Variants in DLC1 observed in about 807,000 individuals in gnomAD.
The protein encoded by DLC1 is DLC1 Rho GTPase activating protein.
Under a neutral mutation model 140.3 loss-of-function variants are expected in DLC1, and 54 were observed. That is an observed-to-expected ratio of 0.38 (90% confidence interval 0.31 to 0.48). The LOEUF is 0.48. Among genes scored for constraint, DLC1 ranks in the 20% least tolerant of loss-of-function variants. The pLI, the probability that DLC1 is intolerant of heterozygous loss-of-function variation, is 0.96. For missense variants in DLC1, 2,536 were observed against 1,907.0 expected (o/e 1.33, Z -6.14); for synonymous variants, 986 against 728.1 (o/e 1.35, Z -5.70).
rs289563 is a variant in DLC1 at position 13,393,888 on chromosome 8, G to A, written c.1174-195C>T. ...TAAGAACCATTGTACTCATCAGAGG[G>A]TCTGCAAATACTTGAGAAAGAGGTA... is the stretch of plus-strand genomic sequence containing the variant. On this transcript the variant is annotated intron_variant, in intron 3 of 17. Coordinates refer to ENST00000276297, the MANE Select transcript of DLC1 (RefSeq NM_182643.3). 0.35 allele frequency among the ~76,000 whole-genome samples: 53,042 copies of A among 152,058 alleles called. 9,970 individuals are homozygous for A. Among genetic ancestry groups the A allele is most frequent in the East Asian group, 0.77 (3,956 of 5,166 alleles).
intron 4 of DLC1, among the ~76,000 whole-genome samples, chr8:13,381,501 G>C (rs1024909719): frequency 2.0e-5 from 3 of 152,144 alleles, no homozygotes; most frequent in Admixed American, 6.5e-5. Flanking sequence ...AGACATCTTG[G>C]TGTGTGACTT....
At chr8:13,353,604 C>G (rs574208453) in intron 4 of DLC1, 1 of 152,328 alleles carries the variant, frequency 6.6e-6, no homozygotes, top group African/African-American at 2.4e-5. Flanking sequence ...TGTCTGTAAT[C>G]CCAGCACTTT....
At chr8:13,408,817 T>C (rs1464119089) in intron 2 of DLC1, among the ~76,000 whole-genome samples, 1 of 152,158 alleles carries the variant, frequency 6.6e-6, no homozygotes, top group Non-Finnish European at 1.5e-5. Flanking sequence ...TTACAATACT[T>C]AGTAACTCTT....
intron 8 of DLC1, among the ~76,000 whole-genome samples, chr8:13,101,658 C>A (rs1270146907): frequency 2.6e-5 from 4 of 152,110 alleles, no homozygotes; most frequent in South Asian, 4.1e-4. Flanking sequence ...TCTTCCCCTC[C>A]CCCACAAGAC....
In DLC1 at chr8:13,183,465, C is replaced by T. The variant is rs553953167; in HGVS notation, c.1349-67808G>A. Among the ~76,000 whole-genome samples, 4 of 152,228 alleles carry T rather than the reference C, an allele frequency of 2.6e-5. No homozygotes were observed. The South Asian group carries it at 8.3e-4, about 32-fold the overall frequency. The stretch of plus-strand genomic sequence containing the variant: ...TTGGCTGTGGGTTTGTCATAAATAC[C>T]TCTTACCATTTTGAGATATGTTCCA... On this transcript the variant is annotated intron_variant, in intron 5 of 17. Coordinates refer to ENST00000276297, the MANE Select transcript of DLC1 (RefSeq NM_182643.3).
chr8:13,120,510 A>T (rs1013758234), intron 5 of DLC1, among the ~76,000 whole-genome samples: 4 of 151,624 alleles, frequency 2.6e-5, no homozygotes, highest in Non-Finnish European at 2.9e-5. Context: ...GGGGCCTCTA[A>T]CACAGCTCTG....
chr8:13,196,447 C>T (rs1226431099), intron 5 of DLC1, among the ~76,000 whole-genome samples: 2 of 152,070 alleles, frequency 1.3e-5, no homozygotes, highest in East Asian at 3.8e-4. Context: ...AGGTCTATTG[C>T]TCATTACTGC....
At chr8:13,239,180 C>A (rs1429118723) in intron 5 of DLC1, among the ~76,000 whole-genome samples, 1 of 152,102 alleles carries the variant, frequency 6.6e-6, no homozygotes, top group Non-Finnish European at 1.5e-5. Context: ...ATATCTAGTG[C>A]TCACTGTGGA....
intron 2 of DLC1, among the ~76,000 whole-genome samples, chr8:13,450,171 A>C (rs1798973021): frequency 6.6e-6 from 1 of 152,046 alleles, no homozygotes; most frequent in African/African-American, 2.4e-5. Context: ...AGAACCAAGG[A>C]GAGGCCAGGC....
chr8:13,585,154 A>G (rs1805254306), intron 1 of DLC1, among the ~76,000 whole-genome samples: 1 of 152,252 alleles, frequency 6.6e-6, no homozygotes, highest in African/African-American at 2.4e-5. Flanking sequence ...TGTGGTCAAT[A>G]TAGTAGCAAA....
intron 5 of DLC1, among the ~76,000 whole-genome samples, chr8:13,221,936 T>C (rs960229777): frequency 6.9e-6 from 1 of 145,022 alleles, no homozygotes; most frequent in Non-Finnish European, 1.5e-5. Flanking sequence ...TTATATATAA[T>C]ATATAAATTA....
chr8:13,122,420 A>G (rs1821169743), intron 5 of DLC1, among the ~76,000 whole-genome samples: 1 of 152,136 alleles, frequency 6.6e-6, no homozygotes, highest in African/African-American at 2.4e-5. Flanking sequence ...TCACTTTTTA[A>G]TTCATTTGTA....
At chr8:13,325,799 C>T (rs184889706) in intron 4 of DLC1, among the ~76,000 whole-genome samples, 69 of 152,278 alleles carry the variant, frequency 4.5e-4, no homozygotes, top group Middle Eastern at 3.4e-3. Flanking sequence ...ACATGTAGCG[C>T]TTTATGTTTA....
At chr8:13,548,714 T>C (rs1055735023) in intron 1 of DLC1, among the ~76,000 whole-genome samples, 1 of 152,008 alleles carries the variant, frequency 6.6e-6, no homozygotes, top group Non-Finnish European at 1.5e-5. Flanking sequence ...TTTGATAACA[T>C]AGAGATATAT....
chr8:13,439,930 G>C (rs1260820789), intron 2 of DLC1, among the ~76,000 whole-genome samples: 2 of 151,946 alleles, frequency 1.3e-5, no homozygotes, highest in South Asian at 4.2e-4. Flanking sequence ...AGTTTTTTCA[G>C]CTTATCCTTA....
intron 1 of DLC1, among the ~76,000 whole-genome samples, chr8:13,563,598 T>C (rs1425640736): frequency 6.6e-6 from 1 of 152,112 alleles, no homozygotes; most frequent in Non-Finnish European, 1.5e-5. Flanking sequence ...GCAGAATTGG[T>C]GTAAAGGGTA....
In DLC1 at chr8:13,395,855, T is replaced by C. The variant is rs202060108; in HGVS notation, c.1174-2162A>G. Among the ~76,000 whole-genome samples the C allele has an allele frequency of 2.0e-4, 29 of 148,134 alleles. No homozygotes were observed. The East Asian group carries it at 3.5e-3, about 18-fold the overall frequency. On this transcript the variant is annotated intron_variant, in intron 3 of 17. Coordinates refer to ENST00000276297, the MANE Select transcript of DLC1 (RefSeq NM_182643.3). ...GCCATGTCTTCTTCTTCTTCTTCTT[T>C]GTTTTTTTGCATAGAAAAGACAAAC...
intron 4 of DLC1, among the ~76,000 whole-genome samples, chr8:13,347,273 C>G (rs187981366): frequency 6.6e-6 from 1 of 152,322 alleles, no homozygotes; most frequent in Non-Finnish European, 1.5e-5. Context: ...TAGTCCATAT[C>G]TCTATCTTGC....
intron 2 of DLC1, among the ~76,000 whole-genome samples, chr8:13,448,192 T>C (rs958995055): frequency 6.6e-6 from 1 of 152,144 alleles, no homozygotes; most frequent in Admixed American, 6.6e-5. Context: ...TTTGTTCTGT[T>C]CATGGGATGT....
Sources: gnomAD v4.1 joint callset for allele counts (sites outside exome capture counted in the v4.1 genomes callset) on GRCh38, gnomAD v4.1.1 for gene constraint, MANE v1.5 for transcripts, NCBI Gene and HGNC (gene_info 2026-07-23, HGNC 2026-07-21) for gene names.